Variants in CDKAL1 observed in about 807,000 individuals in gnomAD.
CDKAL1 encodes the protein CDKAL1 threonylcarbamoyladenosine tRNA methylthiotransferase, also known as threonylcarbamoyladenosine tRNA methylthiotransferase.
CDKAL1 carries 32 observed loss-of-function variants against 68.2 expected under a neutral mutation model. The ratio of observed to expected loss-of-function variants is 0.47; its 90% CI spans 0.35 to 0.63. CDKAL1 has a LOEUF of 0.63. CDKAL1 is among the 30% of genes least tolerant of loss of function. CDKAL1 has a pLI of 0.00. For synonymous variants in CDKAL1, 234 were observed against 244.3 expected (o/e 0.96, Z 0.39); for missense variants, 606 against 696.7 (o/e 0.87, Z 1.47).
At chr6:21,102,840 C>T (rs1318770607) in intron 12 of CDKAL1, among the ~76,000 whole-genome samples, 1 of 152,278 alleles carries the variant, frequency 6.6e-6, no homozygotes, top group East Asian at 1.9e-4. Context: ...GTTGCCTTGG[C>T]TCCTTATCTT....
In CDKAL1 at chr6:21,232,171, C is replaced by CTAATTTTT. The variant is rs1247771033; in HGVS notation, c.*1142_*1149dup. 2 of 152,092 alleles carry CTAATTTTT rather than the reference C, an allele frequency of 1.3e-5. No individual in the cohort carries two copies. The highest frequency in any genetic ancestry group is 6.6e-5 in the Admixed American group (1 of 15,264). 9.4% of individuals were successfully genotyped at this position (152,092 alleles called of 1,614,324 possible). On this transcript the variant is annotated 3_prime_UTR_variant, in exon 16 of 16. Transcript: ENST00000274695. ...TACAGGCATATACCACCATGCCCAACTAATTTTTTAATTTTTTGTAGAGAT... is the reference window on the plus strand; with the variant it reads ...TACAGGCATATACCACCATGCCCAACTAATTTTTTAATTTTTTAATTTTTTGTAGAGAT...
intron 5 of CDKAL1, among the ~76,000 whole-genome samples, chr6:20,676,653 C>T (rs899759342): frequency 2.8e-5 from 4 of 145,076 alleles, no homozygotes; most frequent in African/African-American, 7.6e-5. Context: ...GGTGACAGAG[C>T]GAGACTCTGT....
At chr6:20,771,101 A>G (rs188994614) in intron 7 of CDKAL1, among the ~76,000 whole-genome samples, 23 of 152,312 alleles carry the variant, frequency 1.5e-4, no homozygotes, top group Admixed American at 1.5e-3. Context: ...AAGGTTTTAA[A>G]TATTAAAAAG....
intron 13 of CDKAL1, among the ~76,000 whole-genome samples, chr6:21,138,964 T>G (rs577585028): frequency 6.6e-6 from 1 of 152,358 alleles, no homozygotes; most frequent in East Asian, 1.9e-4. Flanking sequence ...TCTCCAGTCA[T>G]GCACAGTCAA....
chr6:20,958,679 C>G (rs986352618), intron 10 of CDKAL1, among the ~76,000 whole-genome samples: 34 of 152,200 alleles, frequency 2.2e-4, no homozygotes, highest in African/African-American at 6.8e-4. Flanking sequence ...AAGGAATCCA[C>G]TCTTGAAATA....
intron 13 of CDKAL1, among the ~76,000 whole-genome samples, chr6:21,150,208 C>G (rs1562072960): frequency 6.6e-6 from 1 of 152,122 alleles, no homozygotes; most frequent in Non-Finnish European, 1.5e-5. Context: ...CTAAAAATTT[C>G]CCACATAAAC....
chr6:21,009,560 A>G (rs1767905252), intron 11 of CDKAL1, among the ~76,000 whole-genome samples: 1 of 152,202 alleles, frequency 6.6e-6, no homozygotes, highest in South Asian at 2.1e-4. Context: ...CCCCATGTTT[A>G]TTGCAGATAA....
At position 21,193,306 on chromosome 6, in the gene CDKAL1, G is replaced by A. The variant is rs551346116; in HGVS notation, c.1300-4715G>A. 2.2e-3 allele frequency among the ~76,000 whole-genome samples: 325 copies of A among 149,496 alleles called. 3 individuals are homozygous for A. The highest frequency in any genetic ancestry group is 7.2e-3 in the African/African-American group (296 of 41,164). On this transcript the variant is annotated intron_variant, in intron 13 of 15. Coordinates refer to ENST00000274695, the MANE Select transcript of CDKAL1 (RefSeq NM_017774.3). ...TAAGCATACATTTACTGTTTAAAAA[G>A]AGAGAGAGAGAGAGAGAACAAGAGA...
At chr6:20,557,174 A>C (rs1395394355) in intron 4 of CDKAL1, among the ~76,000 whole-genome samples, 1 of 152,060 alleles carries the variant, frequency 6.6e-6, no homozygotes, top group Non-Finnish European at 1.5e-5. Flanking sequence ...AAGTATTTAC[A>C]GTGAAGTGTT....
intron 4 of CDKAL1, among the ~76,000 whole-genome samples, chr6:20,639,482 C>A (rs147425618): frequency 6.6e-6 from 1 of 152,102 alleles, no homozygotes; most frequent in Non-Finnish European, 1.5e-5. Context: ...TTTTTCTGCT[C>A]GTTCTCCCAG....
chr6:20,779,645 C>T (rs756852722), intron 7 of CDKAL1, among the ~76,000 whole-genome samples: 3 of 152,164 alleles, frequency 2.0e-5, no homozygotes, highest in Non-Finnish European at 2.9e-5. Flanking sequence ...AGCGCAGTGG[C>T]GTGATCTTGG....
intron 13 of CDKAL1, among the ~76,000 whole-genome samples, chr6:21,128,740 T>G (rs928507920): frequency 2.6e-4 from 39 of 152,322 alleles, no homozygotes; most frequent in Admixed American, 3.9e-4. Flanking sequence ...CAAACACAGC[T>G]AAATGCACAG....
chr6:20,993,180 G>A (rs375789600), intron 10 of CDKAL1, among the ~76,000 whole-genome samples: 9 of 152,004 alleles, frequency 5.9e-5, no homozygotes, highest in African/African-American at 1.9e-4. Flanking sequence ...TTAGATTGTG[G>A]TAATGGTTTT....
chr6:20,774,923 A>G (rs1273704492), intron 7 of CDKAL1, among the ~76,000 whole-genome samples: 1 of 152,232 alleles, frequency 6.6e-6, no homozygotes, highest in Non-Finnish European at 1.5e-5. Context: ...GTTGAATTGT[A>G]TCTGACACTT....
intron 12 of CDKAL1, among the ~76,000 whole-genome samples, chr6:21,094,250 A>T (rs1471611208): frequency 6.6e-6 from 1 of 152,162 alleles, no homozygotes; most frequent in African/African-American, 2.4e-5. Flanking sequence ...GTAAGAAATT[A>T]CCAATAGCAA....
intron 13 of CDKAL1, among the ~76,000 whole-genome samples, chr6:21,159,823 A>G (rs541732720): frequency 2.6e-5 from 4 of 152,276 alleles, no homozygotes; most frequent in African/African-American, 9.6e-5. Context: ...CCCTTACTTC[A>G]GGCAGAGTTT....
chr6:20,595,738 T>A (rs1023174552), intron 4 of CDKAL1, among the ~76,000 whole-genome samples: 1 of 152,096 alleles, frequency 6.6e-6, no homozygotes, highest in African/African-American at 2.4e-5. Context: ...TGTGATCCTT[T>A]GGAGAAGAGG....
chr6:21,139,577 C>T (rs1294928935), intron 13 of CDKAL1, among the ~76,000 whole-genome samples: 4 of 152,002 alleles, frequency 2.6e-5, no homozygotes, highest in Non-Finnish European at 1.5e-5. Context: ...GTAGTGTGAA[C>T]GTGGCTCAGT....
At chr6:21,144,956 T>C (rs967437551) in intron 13 of CDKAL1, among the ~76,000 whole-genome samples, 2 of 152,166 alleles carry the variant, frequency 1.3e-5, no homozygotes, top group Non-Finnish European at 2.9e-5. Flanking sequence ...AATCTGAGAT[T>C]TACAAAAAGT....
Sources: gnomAD v4.1 joint callset for allele counts (sites outside exome capture counted in the v4.1 genomes callset) on GRCh38, gnomAD v4.1.1 for gene constraint, MANE v1.5 for transcripts, NCBI Gene and HGNC (gene_info 2026-07-23, HGNC 2026-07-21) for gene names.